The following BNC2 variants were observed in gnomAD, a reference collection of about 807,000 sequenced individuals.
The protein encoded by BNC2 is basonuclin zinc finger protein 2.
Under a neutral mutation model 76.3 loss-of-function variants are expected in BNC2, and 20 were observed. That is an observed-to-expected ratio of 0.26 (90% CI 0.18 to 0.38). The LOEUF is 0.38. BNC2 is among the 10% of genes least tolerant of loss of function. BNC2 has a pLI of 1.00. For missense variants in BNC2, 1,382 were observed against 1,399.8 expected, an observed-to-expected ratio of 0.99 and a Z score of 0.20; for synonymous variants, 582 against 514.8, an observed-to-expected ratio of 1.13 and a Z score of -1.77.
intron 1 of BNC2, among the ~76,000 whole-genome samples, chr9:16,765,778 C>T (rs1164771203): frequency 2.1e-5 from 3 of 144,942 alleles, no homozygotes; most frequent in African/African-American, 5.1e-5. Context: ...AGGGCACTCT[C>T]GTAATTTTTT....
intron 3 of BNC2, among the ~76,000 whole-genome samples, chr9:16,683,410 T>C (rs1482590208): frequency 1.3e-5 from 2 of 152,158 alleles, no homozygotes; most frequent in Admixed American, 6.5e-5. Context: ...TGCTCCTAAA[T>C]TGAGGTGTAC....
intron 5 of BNC2, among the ~76,000 whole-genome samples, chr9:16,539,753 G>A (rs1448994703): frequency 1.2e-5 from 1 of 82,226 alleles, no homozygotes. Context: ...GGGAAGGGAA[G>A]GAAAGGAAAG....
At chr9:16,420,904 A>AC (rs1820696748) in intron 6 of BNC2, among the ~76,000 whole-genome samples, 1 of 152,142 alleles carries the variant, frequency 6.6e-6, no homozygotes, top group Non-Finnish European at 1.5e-5. Context: ...ATTGAAGGTT[A>AC]CCCTTCCAAA....
chr9:16,707,526 T>C (rs1259588707), intron 3 of BNC2, among the ~76,000 whole-genome samples: 1 of 152,208 alleles, frequency 6.6e-6, no homozygotes, highest in Non-Finnish European at 1.5e-5. Flanking sequence ...GCAGTACATG[T>C]AACCCTCTCC....
chr9:16,775,972 C>T (rs1327985754), intron 1 of BNC2: 1 of 152,190 alleles, frequency 6.6e-6, no homozygotes, highest in African/African-American at 2.4e-5. Flanking sequence ...CAAAACCTAC[C>T]TGACCAACGC....
chr9:16,869,713 T>C (rs905768810), intron 1 of BNC2, among the ~76,000 whole-genome samples: 2 of 152,168 alleles, frequency 1.3e-5, no homozygotes, highest in African/African-American at 4.8e-5. Context: ...GAGCGGCTCA[T>C]CACCAGGCGA....
chr9:16,641,806 C>G (rs941843701), intron 3 of BNC2, among the ~76,000 whole-genome samples: 11 of 152,116 alleles, frequency 7.2e-5, no homozygotes, highest in African/African-American at 1.7e-4. Context: ...TATGTAAACT[C>G]TCTTTCTCTC....
intron 1 of BNC2, among the ~76,000 whole-genome samples, chr9:16,791,380 C>T (rs1038368885): frequency 1.1e-4 from 16 of 152,126 alleles, no homozygotes; most frequent in African/African-American, 3.9e-4. Context: ...GTTAATGTAA[C>T]ATGATAACTG....
chr9:16,565,988 C>G (rs1489449367), intron 4 of BNC2, among the ~76,000 whole-genome samples: 1 of 152,132 alleles, frequency 6.6e-6, no homozygotes, highest in Non-Finnish European at 1.5e-5. Context: ...AAGCGAGGTT[C>G]CATCCGTAAA....
intron 5 of BNC2, among the ~76,000 whole-genome samples, chr9:16,550,862 T>A: frequency 6.6e-6 from 1 of 151,906 alleles, no homozygotes; most frequent in Non-Finnish European, 1.5e-5. Context: ...CTGTAAGAGG[T>A]TTTTCTCTTT....
chr9:16,793,556 C>A (rs1040379493), intron 1 of BNC2, among the ~76,000 whole-genome samples: 4 of 152,006 alleles, frequency 2.6e-5, no homozygotes, highest in Admixed American at 2.0e-4. Flanking sequence ...CCTGCTGCAG[C>A]CTCCCAAGTG....
chr9:16,430,143 T>C (rs1820880125), intron 6 of BNC2: 3 of 410,120 alleles, frequency 7.3e-6, no homozygotes, highest in African/African-American at 4.1e-5. Context: ...GGAAGATAAG[T>C]ACAAAAGGTC....
chr9:16,722,789 C>A (rs1221817632), intron 3 of BNC2, among the ~76,000 whole-genome samples: 1 of 152,012 alleles, frequency 6.6e-6, no homozygotes, highest in East Asian at 1.9e-4. Context: ...CATAGAATAC[C>A]ATATATATAA....
chr9:16,797,535 G>T (rs1484211249), intron 1 of BNC2, among the ~76,000 whole-genome samples: 2 of 152,120 alleles, frequency 1.3e-5, no homozygotes, highest in Non-Finnish European at 2.9e-5. Context: ...CTTTTAAAAT[G>T]AAACCTCGTT....
chr9:16,461,368 G>A (rs746915994), intron 5 of BNC2, among the ~76,000 whole-genome samples: 1 of 152,160 alleles, frequency 6.6e-6, no homozygotes, highest in Non-Finnish European at 1.5e-5. Flanking sequence ...AGAAGAACAA[G>A]TACAGAACTT....
At chr9:16,818,533 C>T (rs1319425349) in intron 1 of BNC2, among the ~76,000 whole-genome samples, 1 of 152,168 alleles carries the variant, frequency 6.6e-6, no homozygotes, top group African/African-American at 2.4e-5. Context: ...ACATTTCGAT[C>T]ACAGGCAAGG....
intron 3 of BNC2, among the ~76,000 whole-genome samples, chr9:16,664,313 T>C (rs1822202057): frequency 6.6e-6 from 1 of 152,180 alleles, no homozygotes. Flanking sequence ...CTCAGAGGCA[T>C]GCTAAATCTT....
chr9:16,459,443 G>A (rs1587052717), intron 5 of BNC2, among the ~76,000 whole-genome samples: 1 of 152,262 alleles, frequency 6.6e-6, no homozygotes, highest in South Asian at 2.1e-4. Flanking sequence ...TACTGAGGGT[G>A]GTGGGTGGGA....
chr9:16,617,920 C>T (rs895316545), intron 3 of BNC2, among the ~76,000 whole-genome samples: 1 of 152,188 alleles, frequency 6.6e-6, no homozygotes, highest in African/African-American at 2.4e-5. Context: ...AGGATTCAAA[C>T]CTAAGCAGCC....
Sources: gnomAD v4.1 joint callset for allele counts (sites outside exome capture counted in the v4.1 genomes callset) on GRCh38, gnomAD v4.1.1 for gene constraint, MANE v1.5 for transcripts, NCBI Gene and HGNC (gene_info 2026-07-23, HGNC 2026-07-21) for gene names.